The following TRPM7 variants were observed in gnomAD, a reference collection of about 807,000 sequenced individuals.
TRPM7 encodes LTRPC ion channel family member 7.
Under a neutral mutation model 229.7 loss-of-function variants are expected in TRPM7, and 134 were observed. The ratio of observed to expected loss-of-function variants is 0.58; its 90% CI spans 0.51 to 0.67. TRPM7 has a LOEUF of 0.67. Ranked by LOEUF, TRPM7 falls within the 30% of genes least tolerant of loss-of-function variation. The pLI, the probability that TRPM7 is intolerant of heterozygous loss-of-function variation, is 0.00. For synonymous variants in TRPM7, 699 were observed against 715.2 expected (o/e 0.98, Z 0.36); for missense variants, 1,901 against 2,210.0 (o/e 0.86, Z 2.80).
chr15:50,674,450 A>C (rs989296257), intron 1 of TRPM7, among the ~76,000 whole-genome samples: 5 of 152,052 alleles, frequency 3.3e-5, no homozygotes, highest in African/African-American at 1.2e-4. Flanking sequence ...GTTTCTAATA[A>C]ATTTCTGATG....
At position 50,635,664 on chromosome 15, in the gene TRPM7, C is replaced by CA. The variant is rs765054880; in HGVS notation, c.833-1109dup. Among the ~76,000 whole-genome samples, 447 of 56,564 alleles carry CA rather than the reference C, an allele frequency of 7.9e-3. 34 individuals carry two copies. The highest frequency in any genetic ancestry group is 0.014 in the Middle Eastern group (1 of 74). The allele number at this position is 56,564 out of a possible 152,430, so 37.1% of individuals were successfully genotyped here. On this transcript the variant is annotated intron_variant, in intron 7 of 38. Coordinates refer to ENST00000646667, the MANE Select transcript of TRPM7 (RefSeq NM_017672.6). Reference sequence around the variant, plus strand: ...AGCAACAGAGCAAGACTCCATCTCCCAAAAAAAAAAAAAAAAAAAAAAAAA... The same window carrying CA: ...AGCAACAGAGCAAGACTCCATCTCCCAAAAAAAAAAAAAAAAAAAAAAAAAA...
chr15:50,662,713 G>A (rs2061760202), intron 2 of TRPM7, among the ~76,000 whole-genome samples: 1 of 152,082 alleles, frequency 6.6e-6, no homozygotes, highest in South Asian at 2.1e-4. Context: ...TATGATCTGA[G>A]GGAGTTTAGA....
At chr15:50,662,818 C>T (rs1398403310) in intron 2 of TRPM7, 149 bp downstream of exon 2, 4 of 676,060 alleles carry the variant, frequency 5.9e-6, no homozygotes, top group African/African-American at 1.8e-5. Flanking sequence ...CTCCCAATCC[C>T]TCCCAAATTA....
chr15:50,682,531 G>T (rs754978366), intron 1 of TRPM7, among the ~76,000 whole-genome samples: 5 of 148,974 alleles, frequency 3.4e-5, no homozygotes, highest in Non-Finnish European at 5.9e-5. Context: ...AGCCAAGATC[G>T]CACCATTGCA....
intron 9 of TRPM7, among the ~76,000 whole-genome samples, chr15:50,631,975 C>G (rs1379619259): frequency 6.6e-6 from 1 of 152,016 alleles, no homozygotes; most frequent in Non-Finnish European, 1.5e-5. Flanking sequence ...AACATAGCAC[C>G]ATTTCAGAAA....
chr15:50,602,449 GT>G (rs2059806570), intron 21 of TRPM7, among the ~76,000 whole-genome samples: 1 of 152,076 alleles, frequency 6.6e-6, no homozygotes, highest in Admixed American at 6.6e-5. Flanking sequence ...GAGTTAATGG[GT>G]GCAGCAAACC....
chr15:50,571,502 T>C (rs765867521), intron 36 of TRPM7, among the ~76,000 whole-genome samples: 6 of 151,868 alleles, frequency 4.0e-5, no homozygotes, highest in Non-Finnish European at 7.4e-5. Context: ...TGCTACACTA[T>C]AGACTATCAC....
intron 21 of TRPM7, 82 bp from the exon 22 acceptor site, chr15:50,599,378 T>C (rs966684746): frequency 1.9e-5 from 19 of 1,018,144 alleles, no homozygotes; most frequent in African/African-American, 6.5e-5. Flanking sequence ...AATGTTCTAA[T>C]AGACCAAAAA....
chr15:50,651,425 C>A (rs1338184521), intron 3 of TRPM7, among the ~76,000 whole-genome samples: 1 of 151,014 alleles, frequency 6.6e-6, no homozygotes, highest in Admixed American at 6.6e-5. Context: ...GCGGGTGGAT[C>A]ACGAGGTCAG....
rs150767147 is a variant in TRPM7, at chr15:50,603,740, G to A, written c.2988+1126C>T. Among the ~76,000 whole-genome samples the A allele has an allele frequency of 2.9e-3, 440 of 152,018 alleles. 3 individuals carry two copies. The highest frequency in any genetic ancestry group is 0.01 in the African/African-American group (428 of 41,484). ...ATGGACATTTGGGTTGGTTCCAAGA[G>A]AAGACTGATTTTCTAAGATTAAGGG... On this transcript the variant is annotated intron_variant, in intron 21 of 38. Coordinates refer to ENST00000646667, the MANE Select transcript of TRPM7 (RefSeq NM_017672.6).
At chr15:50,665,236 A>G (rs369166013) in intron 1 of TRPM7, among the ~76,000 whole-genome samples, 1 of 152,040 alleles carries the variant, frequency 6.6e-6, no homozygotes, top group East Asian at 1.9e-4. Context: ...CGTCTCTACT[A>G]AAAGTACAAA....
At chr15:50,624,548 T>TA (rs2060504126) in intron 11 of TRPM7, among the ~76,000 whole-genome samples, 1 of 152,160 alleles carries the variant, frequency 6.6e-6, no homozygotes, top group Admixed American at 6.5e-5. Flanking sequence ...GAATAAGTGT[T>TA]ACATGGGGGA....
intron 7 of TRPM7, among the ~76,000 whole-genome samples, chr15:50,635,536 G>A (rs948683578): frequency 1.3e-5 from 2 of 150,336 alleles, no homozygotes; most frequent in African/African-American, 4.9e-5. Context: ...GGTGGCATGC[G>A]CCTGCAGTCC....
intron 2 of TRPM7, among the ~76,000 whole-genome samples, chr15:50,658,613 A>G (rs2061646587): frequency 1.3e-5 from 2 of 151,982 alleles, no homozygotes; most frequent in Admixed American, 6.6e-5. Flanking sequence ...GAATACAGAG[A>G]GAGTCTGGTA....
Position 50,594,013 on chromosome 15 carries a change from C to G in TRPM7, c.3476-264G>C, listed in dbSNP as rs75491498. On this transcript the variant is annotated intron_variant, in intron 24 of 38. Transcript: ENST00000646667. Reference sequence around the variant, plus strand: ...TACAACATCCCTCCGCTATCTCTCTCATACCTCTCCCTCACGTATCTACTC... The same window carrying G: ...TACAACATCCCTCCGCTATCTCTCTGATACCTCTCCCTCACGTATCTACTC... 8.7e-3 allele frequency among the ~76,000 whole-genome samples: 1,329 copies of G among 152,284 alleles called. 11 individuals carry two copies. The highest frequency in any genetic ancestry group is 0.011 in the Non-Finnish European group (768 of 68,010).
chr15:50,619,743 A>G lies in TRPM7; in HGVS notation c.1494+2T>C. On this transcript the variant is annotated splice_donor_variant, in intron 13 of 38. Coordinates refer to ENST00000646667, the MANE Select transcript of TRPM7 (RefSeq NM_017672.6). LOFTEE classifies it high-confidence loss of function. Reference sequence around the variant, plus strand: ...TTTCAAAAGCAAAAAATAATCTCTTACCTGTTTGACGTCTCGAACAAGATG... The same window carrying G: ...TTTCAAAAGCAAAAAATAATCTCTTGCCTGTTTGACGTCTCGAACAAGATG... 1 of 1,587,100 alleles carries G rather than the reference A, an allele frequency of 6.3e-7. No homozygotes were observed. Among genetic ancestry groups the G allele is most frequent in the Non-Finnish European group, 8.5e-7 (1 of 1,171,354 alleles).
At chr15:50,595,507 A>G (rs1387374139) in intron 23 of TRPM7, among the ~76,000 whole-genome samples, 4 of 151,888 alleles carry the variant, frequency 2.6e-5, no homozygotes, top group Non-Finnish European at 4.4e-5. Flanking sequence ...CTGGAGAAGA[A>G]TATTTGTTTA....
chr15:50,685,398 A>C (rs1181190811), intron 1 of TRPM7, among the ~76,000 whole-genome samples: 1 of 152,254 alleles, frequency 6.6e-6, no homozygotes, highest in African/African-American at 2.4e-5. Flanking sequence ...CGGATGTTGC[A>C]GTGAGCGGAG....
intron 27 of TRPM7, 80 bp from the exon 28 acceptor site, chr15:50,586,568 C>T: frequency 3.5e-6 from 3 of 857,744 alleles, no homozygotes; most frequent in Non-Finnish European, 1.9e-6. Context: ...TATTAGAGTC[C>T]CTTGATCTAT....
Sources: gnomAD v4.1 joint callset for allele counts (sites outside exome capture counted in the v4.1 genomes callset) on GRCh38, gnomAD v4.1.1 for gene constraint, MANE v1.5 for transcripts, NCBI Gene and HGNC (gene_info 2026-07-23, HGNC 2026-07-21) for gene names.